The following CCNB2 variants were observed in gnomAD, a reference collection of about 807,000 sequenced individuals.
The protein encoded by CCNB2 is G2/mitotic-specific cyclin-B2.
Under a neutral mutation model 51.1 loss-of-function variants are expected in CCNB2, and 39 were observed. The ratio of observed to expected loss-of-function variants is 0.76; its 90% CI spans 0.59 to 1.00. The LOEUF (loss-of-function observed/expected upper bound fraction) is 1.00, where lower values mean the gene tolerates loss of function less well. Ranked by LOEUF, CCNB2 falls within the 50% of genes least tolerant of loss-of-function variation. The pLI, the probability that CCNB2 is intolerant of heterozygous loss-of-function variation, is 0.00. For synonymous variants in CCNB2, 174 were observed against 165.5 expected, an observed-to-expected ratio of 1.05 and a Z score of -0.40; for missense variants, 472 against 470.3, an observed-to-expected ratio of 1.00 and a Z score of -0.03.
intron 3 of CCNB2, among the ~76,000 whole-genome samples, chr15:59,109,407 T>C (rs2140286013): frequency 6.6e-6 from 1 of 152,334 alleles, no homozygotes; most frequent in Non-Finnish European, 1.5e-5. Flanking sequence ...GATAATCAAG[T>C]ACTTTTAGAT....
At chr15:59,114,237 T>G (rs2079268964) in intron 3 of CCNB2, among the ~76,000 whole-genome samples, 2 of 152,216 alleles carry the variant, frequency 1.3e-5, no homozygotes, top group African/African-American at 4.8e-5. Flanking sequence ...GTTTTCAGTT[T>G]GAGTGAAATT....
At chr15:59,106,015 A>AT (rs2079234312) in intron 1 of CCNB2, among the ~76,000 whole-genome samples, 1 of 152,050 alleles carries the variant, frequency 6.6e-6, no homozygotes, top group Non-Finnish European at 1.5e-5. Flanking sequence ...TGTTTTGGGT[A>AT]TTTTTCCTGT....
At chr15:59,105,362 A>G in intron 1 of CCNB2, 70 bp downstream of exon 1, 1 of 1,489,574 alleles carries the variant, frequency 6.7e-7, no homozygotes, top group Non-Finnish European at 9.1e-7. Context: ...CGCTTCTCTC[A>G]TCTGCTCCGA....
In CCNB2 at chr15:59,107,544, T is replaced by A. The variant is rs779600368; in HGVS notation, c.154-13T>A. The A allele has an allele frequency of 6.8e-6, 11 of 1,613,960 alleles. No individual in the cohort carries two copies. The highest frequency in any genetic ancestry group is 9.3e-6 in the Non-Finnish European group (11 of 1,179,954). On this transcript the variant is annotated splice_polypyrimidine_tract_variant and intron_variant, in intron 2 of 8. Coordinates refer to ENST00000288207, the MANE Select transcript of CCNB2 (RefSeq NM_004701.4). The stretch of plus-strand genomic sequence containing the variant: ...GGCTGTCTTGCGCTATTCATGTTTC[T>A]TTTTCCTTATAGAAAGCTCAGAACA...
chr15:59,116,889 C>T lies in CCNB2; in HGVS notation c.797C>T (p.Pro266Leu). 2 of 1,614,160 alleles carry T rather than the reference C, an allele frequency of 1.2e-6. No homozygotes were observed. Among genetic ancestry groups the T allele is most frequent in the Non-Finnish European group, 8.5e-7 (1 of 1,180,016 alleles). Reference protein sequence around the residue: ...ELKFELGRPLPLHFLRRASKA... With the variant: ...ELKFELGRPLLLHFLRRASKA... ...AAATTTGAGTTGGGTCGACCCTTGC[C>T]ACTACACTTCTTAAGGCGAGCATCA... Residue 266 changes from proline (P) to leucine (L), a missense_variant, in exon 6 of 9, where the codon CCA becomes CTA. Coordinates refer to ENST00000288207, the MANE Select transcript of CCNB2 (RefSeq NM_004701.4).
chr15:59,114,880 G>A lies in CCNB2; in HGVS notation c.597+4G>A, dbSNP rs370099852. The stretch of plus-strand genomic sequence containing the variant: ...CATTATGGATCGATTTTTACAGGTA[G>A]GTGTGGCTTCAGGGACTTCACGCCA... On this transcript the variant is annotated splice_donor_region_variant and intron_variant, in intron 5 of 8. Transcript: ENST00000288207. 9.3e-6 allele frequency: 15 copies of A among 1,609,942 alleles called. No individual in the cohort carries two copies. The highest frequency in any genetic ancestry group is 1.7e-5 in the Admixed American group (1 of 59,778).
In CCNB2 at chr15:59,114,495, C is replaced by T; in HGVS notation, c.319C>T (p.Gln107Ter). Reference sequence around the variant, plus strand: ...CTCCATGAAGGAAGAGAATCTCTGCCAAGCTTTTTCTGATGCCTTGCTCTG... The same window carrying T: ...CTCCATGAAGGAAGAGAATCTCTGCTAAGCTTTTTCTGATGCCTTGCTCTG... Reference protein sequence around the residue: ...DVSMKEENLCQAFSDALLCKI... With the variant: ...DVSMKEENLC The change falls in exon 4 of 9, where the codon CAA (glutamine) becomes TAA (stop). Residue 107 changes from glutamine (Q) to a stop codon, truncating the protein, a stop_gained. Transcript: ENST00000288207. LOFTEE classifies it high-confidence loss of function. 1.2e-6 allele frequency: 2 copies of T among 1,613,294 alleles called. No individual in the cohort carries two copies. The highest frequency in any genetic ancestry group is 1.7e-6 in the Non-Finnish European group (2 of 1,179,716).
chr15:59,106,691 T>C (rs28383497), intron 1 of CCNB2, among the ~76,000 whole-genome samples: 6,427 of 152,218 alleles, frequency 0.042, 297 homozygotes, highest in African/African-American at 0.11. Flanking sequence ...ACTATATTAC[T>C]CAAGAAAACT....
chr15:59,122,505 G>A (rs1428886128), intron 7 of CCNB2, among the ~76,000 whole-genome samples: 7 of 150,180 alleles, frequency 4.7e-5, no homozygotes, highest in Admixed American at 1.3e-4. Context: ...GATTACAGGC[G>A]TGAGCCACTG....
intron 3 of CCNB2, 133 bp from the exon 4 acceptor site, chr15:59,114,311 C>A: frequency 1.6e-6 from 1 of 618,932 alleles, no homozygotes; most frequent in South Asian, 2.5e-5. Context: ...GAATTATTCA[C>A]CTCTTGGTAT....
At chr15:59,105,430 G>C (rs1411429897) in intron 1 of CCNB2, 138 bp downstream of exon 1, 2 of 998,442 alleles carry the variant, frequency 2.0e-6, no homozygotes, top group South Asian at 3.1e-5. Flanking sequence ...TGCTTCGCCC[G>C]CGTCCCTGGC....
chr15:59,107,533 A>G (rs2079240828), intron 2 of CCNB2, 24 bp from the exon 3 acceptor site: 1 of 1,613,788 alleles, frequency 6.2e-7, no homozygotes, highest in Non-Finnish European at 8.5e-7. Context: ...GTCTTGCGCT[A>G]TTCATGTTTC....
chr15:59,123,508 G>T lies in CCNB2; in HGVS notation c.976-9G>T, dbSNP rs1401534422. On this transcript the variant is annotated splice_polypyrimidine_tract_variant and intron_variant, in intron 7 of 8. Coordinates refer to ENST00000288207, the MANE Select transcript of CCNB2 (RefSeq NM_004701.4). ...AGTCATGTCTGTCTGTCTGCTTCTT[G>T]TGTTTCAGAACTTAAAGCAGCAGTA... is the stretch of plus-strand genomic sequence containing the variant. The T allele has an allele frequency of 6.4e-7, 1 of 1,558,952 alleles. No individual in the cohort carries two copies. Among genetic ancestry groups the T allele is most frequent in the African/African-American group, 1.4e-5 (1 of 73,750 alleles).
chr15:59,107,891 T>C (rs185170281), intron 3 of CCNB2, among the ~76,000 whole-genome samples: 1 of 152,238 alleles, frequency 6.6e-6, no homozygotes, highest in East Asian at 1.9e-4. Flanking sequence ...CTCAGCACTT[T>C]GAGAGGCTGA....
At chr15:59,113,678 A>T (rs1356107594) in intron 3 of CCNB2, among the ~76,000 whole-genome samples, 1 of 152,172 alleles carries the variant, frequency 6.6e-6, no homozygotes, top group Non-Finnish European at 1.5e-5. Context: ...ACATATGGGT[A>T]GGGTAGGAGG....
intron 7 of CCNB2, chr15:59,121,231 G>C (rs1394990586): frequency 1.3e-5 from 2 of 152,188 alleles, no homozygotes; most frequent in Non-Finnish European, 2.9e-5. Context: ...GGGAAACGTG[G>C]CACATGTTCA....
intron 7 of CCNB2, among the ~76,000 whole-genome samples, chr15:59,118,632 C>G (rs1335786014): frequency 6.6e-6 from 1 of 152,202 alleles, no homozygotes; most frequent in Non-Finnish European, 1.5e-5. Context: ...TGCTTTGAGC[C>G]AAGATCGTGC....
intron 3 of CCNB2, among the ~76,000 whole-genome samples, chr15:59,109,429 G>C (rs1486034973): frequency 6.6e-6 from 1 of 152,176 alleles, no homozygotes; most frequent in African/African-American, 2.4e-5. Context: ...GTGCTATGAT[G>C]AGTGTCTCTT....
At chr15:59,119,460 CAA>C (rs370628686) in intron 7 of CCNB2, among the ~76,000 whole-genome samples, 12 of 83,878 alleles carry the variant, frequency 1.4e-4, no homozygotes, top group Admixed American at 3.8e-4. Context: ...ACCCTGTCTC[CAA>C]AAAAAAAAAA....
Sources: gnomAD v4.1 joint callset for allele counts (sites outside exome capture counted in the v4.1 genomes callset) on GRCh38, gnomAD v4.1.1 for gene constraint, MANE v1.5 for transcripts, NCBI Gene and HGNC (gene_info 2026-07-23, HGNC 2026-07-21) for gene names.